Variants in YLPM1 observed in about 807,000 individuals in gnomAD.
YLPM1 encodes YLP motif-containing protein 1.
Under a neutral mutation model 230.0 loss-of-function variants are expected in YLPM1, and 99 were observed. That is an observed-to-expected ratio of 0.43 (90% CI 0.37 to 0.51). YLPM1 has a LOEUF of 0.51. Ranked by LOEUF, YLPM1 falls within the 20% of genes least tolerant of loss-of-function variation. The pLI is 0.00. For synonymous variants in YLPM1, 984 were observed against 942.5 expected (o/e 1.04, Z -0.81); for missense variants, 2,592 against 2,707.7 (o/e 0.96, Z 0.95).
intron 1 of YLPM1, among the ~76,000 whole-genome samples, chr14:74,774,657 C>T (rs1225941978): frequency 7.2e-5 from 11 of 152,114 alleles, no homozygotes; most frequent in Non-Finnish European, 1.5e-4. Flanking sequence ...CTACCTGCCT[C>T]GGCCTCCCAG....
At chr14:74,823,265 A>T (rs1220013365) in intron 17 of YLPM1, among the ~76,000 whole-genome samples, 1 of 152,064 alleles carries the variant, frequency 6.6e-6, no homozygotes, top group Non-Finnish European at 1.5e-5. Flanking sequence ...AACAGTAGAG[A>T]GATAGATTGA....
chr14:74,798,470 G>A lies in YLPM1; in HGVS notation c.3173G>A (p.Arg1058Gln), dbSNP rs1177271628. ...GGATTGGTCAAGCAAGAAGACTTTC[G>A]GGATAAGATGATGGGTAGAAGAGAA... ...GPGLVKQEDF[R>Q]DKMMGRREDS... Residue 1058 changes from arginine (R) to glutamine (Q), a missense_variant, in exon 5 of 21, where the codon CGG becomes CAG. By Grantham distance (43) the Arg-to-Gln change is conservative. Coordinates refer to ENST00000325680, the MANE Select transcript of YLPM1 (RefSeq NM_019589.3). 5.0e-6 allele frequency: 8 copies of A among 1,613,808 alleles called. No homozygotes were observed. Among genetic ancestry groups the A allele is most frequent in the Non-Finnish European group, 4.2e-6 (5 of 1,179,884 alleles).
intron 4 of YLPM1, among the ~76,000 whole-genome samples, chr14:74,788,846 A>G (rs2091174522): frequency 6.6e-6 from 1 of 152,174 alleles, no homozygotes; most frequent in African/African-American, 2.4e-5. Context: ...AAAAAAAAAG[A>G]AAGAAAAGAA....
At chr14:74,790,229 T>G (rs147802136) in intron 4 of YLPM1, among the ~76,000 whole-genome samples, 7 of 152,312 alleles carry the variant, frequency 4.6e-5, no homozygotes, top group Non-Finnish European at 8.8e-5. Flanking sequence ...CTAGGATTAG[T>G]AAGGGACTGT....
intron 2 of YLPM1, 66 bp downstream of exon 2, chr14:74,778,749 A>ATATT: frequency 2.1e-6 from 3 of 1,399,900 alleles, no homozygotes; most frequent in Non-Finnish European, 2.9e-6. Flanking sequence ...CATTTAGTAT[A>ATATT]CTTTTATCAT....
Position 74,818,302 on chromosome 14 carries a change from T to C in YLPM1, c.6018T>C (p.Ala2006=). 1 of 1,601,020 alleles carries C rather than the reference T, an allele frequency of 6.2e-7. No homozygotes were observed. The highest frequency in any genetic ancestry group is 8.5e-7 in the Non-Finnish European group (1 of 1,173,706). ...ATATTCGTTCTTTGCTGCAAGATGC[T>C]GCTATTGAAGAGGTGAGTATCCTTT... The part of the protein sequence containing the change: ...RLDIRSLLQD[A]AIEEVEMEDF... The change falls in exon 16 of 21, where the codon GCT becomes GCC. Residue 2006 remains alanine, a synonymous_variant. Coordinates refer to ENST00000325680, the MANE Select transcript of YLPM1 (RefSeq NM_019589.3).
chr14:74,818,115 A>G, intron 15 of YLPM1, 116 bp from the exon 16 acceptor site: 1 of 433,796 alleles, frequency 2.3e-6, no homozygotes, highest in Non-Finnish European at 3.7e-6. Context: ...TTTAACAAAT[A>G]TTTAATTAAT....
At chr14:74,799,752 C>T in intron 5 of YLPM1, 55 bp downstream of exon 5, 1 of 1,495,004 alleles carries the variant, frequency 6.7e-7, no homozygotes, top group South Asian at 1.3e-5. Context: ...TCAGACTGCT[C>T]TTTTTAAAGT....
chr14:74,835,216 T>G, intron 19 of YLPM1, 49 bp from the exon 20 acceptor site: 1 of 1,603,460 alleles, frequency 6.2e-7, no homozygotes, highest in Non-Finnish European at 8.5e-7. Flanking sequence ...GGGGGCTCTT[T>G]GCATATTTAT....
chr14:74,809,403 C>A lies in YLPM1; in HGVS notation c.4545C>A (p.Pro1515=), dbSNP rs112597398. ...AGCCTCCAGGGTCGTATAGACCTCC[C>A]CCTCCTATGGGCAAACCACCAGGTT... ...MYPPPGSYRP[P]PPMGKPPGSI... Residue 1515 remains proline, a synonymous_variant, in exon 7 of 21, where the codon CCC becomes CCA. Transcript: ENST00000325680. 93 of 1,609,030 alleles carry A rather than the reference C, an allele frequency of 5.8e-5. No individual in the cohort carries two copies. Among genetic ancestry groups the A allele is most frequent in the Admixed American group, 8.4e-5 (5 of 59,340 alleles).
At chr14:74,786,614 TGTA>T (rs943270991) in intron 4 of YLPM1, among the ~76,000 whole-genome samples, 2 of 152,230 alleles carry the variant, frequency 1.3e-5, no homozygotes, top group African/African-American at 4.8e-5. Flanking sequence ...CCATGTTGTG[TGTA>T]GTAGTAGTTT....
At chr14:74,797,146 G>A (rs1271521391) in intron 4 of YLPM1, among the ~76,000 whole-genome samples, 1 of 84,094 alleles carries the variant, frequency 1.2e-5, no homozygotes, top group Non-Finnish European at 2.8e-5. Flanking sequence ...CTAAATTTTT[G>A]TATTTTTTTT....
rs146838463 is a variant in YLPM1 at position 74,815,417 on chromosome 14, G to A, written c.5503-786G>A. Among the ~76,000 whole-genome samples the A allele has an allele frequency of 3.9e-3, 594 of 151,894 alleles. 7 individuals are homozygous for A. The highest frequency in any genetic ancestry group is 0.012 in the African/African-American group (510 of 41,426). On this transcript the variant is annotated intron_variant, in intron 11 of 20. Coordinates refer to ENST00000325680, the MANE Select transcript of YLPM1 (RefSeq NM_019589.3). ...TCTCTACTAAAAACACAAAAATTAG[G>A]CGGGCGTGGTGGCAGGCACCTGTAA...
intron 1 of YLPM1, among the ~76,000 whole-genome samples, chr14:74,765,258 T>G (rs550656591): frequency 2.6e-5 from 4 of 152,134 alleles, no homozygotes; most frequent in Admixed American, 2.0e-4. Context: ...TTTCCTAAAG[T>G]AGACACTTTT....
rs745626462 is a variant in YLPM1, at chr14:74,809,924, A to G, written c.4954A>G (p.Lys1652Glu). Reference sequence around the variant, plus strand: ...TTGTTTACCAGATATATCCACTAATAAAGTTGAACAGATACCTTATGGAGA... The same window carrying G: ...TTGTTTACCAGATATATCCACTAATGAAGTTGAACAGATACCTTATGGAGA... Reference protein sequence around the residue: ...YGHGRDISTNKVEQIPYGERI... With the variant: ...YGHGRDISTNEVEQIPYGERI... The change falls in exon 8 of 21, where the codon AAA (lysine) becomes GAA (glutamate). Residue 1652 changes from lysine to glutamate, a missense_variant. Transcript: ENST00000325680. The G allele has an allele frequency of 6.2e-7, 1 of 1,608,382 alleles. No individual in the cohort carries two copies. The highest frequency in any genetic ancestry group is 8.5e-7 in the Non-Finnish European group (1 of 1,177,114).
intron 4 of YLPM1, among the ~76,000 whole-genome samples, chr14:74,787,942 G>A (rs2091165385): frequency 6.6e-6 from 1 of 152,110 alleles, no homozygotes; most frequent in African/African-American, 2.4e-5. Flanking sequence ...TTGAAGCTGG[G>A]TGGCAGAGGT....
intron 16 of YLPM1, among the ~76,000 whole-genome samples, chr14:74,818,690 AT>A (rs1182433944): frequency 6.6e-6 from 1 of 152,228 alleles, no homozygotes; most frequent in Admixed American, 6.5e-5. Context: ...ATTAAGTAAT[AT>A]AAATTTCCTG....
chr14:74,781,438 A>G lies in YLPM1; in HGVS notation c.1395A>G (p.Gln465=), dbSNP rs571517753. 5.0e-6 allele frequency: 8 copies of G among 1,610,800 alleles called. No individual in the cohort carries two copies. The highest frequency in any genetic ancestry group is 2.2e-5 in the East Asian group (1 of 44,838). The change falls in exon 4 of 21, where the codon CAA becomes CAG. Residue 465 remains glutamine (Q), a synonymous_variant. Transcript: ENST00000325680. ...GAGAGTTTCAGCTATGGGAGGAACA[A>G]CTCCATTCCTATCCTCATAAAGATC... ...WEREFQLWEE[Q]LHSYPHKDQL... is the part of the protein sequence containing the mutation.
intron 16 of YLPM1, among the ~76,000 whole-genome samples, 189 bp downstream of exon 16, chr14:74,818,503 T>G (rs1036872750): frequency 3.3e-5 from 5 of 152,206 alleles, no homozygotes; most frequent in African/African-American, 1.2e-4. Flanking sequence ...GTATTCTTAT[T>G]AACATTCTTG....
Sources: gnomAD v4.1 joint callset for allele counts (sites outside exome capture counted in the v4.1 genomes callset) on GRCh38, gnomAD v4.1.1 for gene constraint, MANE v1.5 for transcripts, NCBI Gene and HGNC (gene_info 2026-07-23, HGNC 2026-07-21) for gene names.